Variants in CTRB1 observed in about 807,000 individuals in gnomAD.
The protein encoded by CTRB1 is chymotrypsinogen B1, also known as chymotrypsinogen B.
Under a neutral mutation model 20.4 loss-of-function variants are expected in CTRB1, and 15 were observed. That is an observed-to-expected ratio of 0.74 (90% CI 0.49 to 1.13). The LOEUF is 1.13. Among genes scored for constraint, CTRB1 ranks in the 50% most tolerant of loss-of-function variants. CTRB1 has a pLI of 0.00. For missense variants in CTRB1, 227 were observed against 290.1 expected (o/e 0.78, Z 1.58); for synonymous variants, 92 against 128.4 (o/e 0.72, Z 1.92).
chr16:75,222,518 G>A (rs1033805678), intron 1 of CTRB1: 1 of 556,912 alleles, frequency 1.8e-6, no homozygotes, highest in South Asian at 2.6e-5. Flanking sequence ...GCTTCTTCAG[G>A]CTGGACAGGC....
rs1371776859 is a variant in CTRB1, at chr16:75,219,046, G to C, written c.39G>C (p.Val13=). ...SLWLLSCFSL[V]GAAFGCGVPA... ...GGCTCCTCTCCTGCTTCTCCCTTGT[G>C]GGGGCCGCCTTTGGTGAGTGCTGGT... The change falls in exon 1 of 7, where the codon GTG becomes GTC. Residue 13 remains valine, a synonymous_variant. Transcript: ENST00000361017. 28 of 1,592,468 alleles carry C rather than the reference G, an allele frequency of 1.8e-5. No individual in the cohort carries two copies. Among genetic ancestry groups the C allele is most frequent in the East Asian group, 9.0e-5 (4 of 44,250 alleles).
intron 1 of CTRB1, among the ~76,000 whole-genome samples, chr16:75,219,956 A>G (rs1213648049): frequency 6.6e-6 from 1 of 152,172 alleles, no homozygotes; most frequent in Non-Finnish European, 1.5e-5. Context: ...AAAAGGTTAC[A>G]TCAATGGAAC....
At chr16:75,221,451 C>A (rs2039082788) in intron 1 of CTRB1, among the ~76,000 whole-genome samples, 1 of 152,136 alleles carries the variant, frequency 6.6e-6, no homozygotes, top group Non-Finnish European at 1.5e-5. Context: ...CCTCTGTCCC[C>A]CAGGTTCAAG....
chr16:75,219,656 T>A (rs1188463992), intron 1 of CTRB1, among the ~76,000 whole-genome samples: 1 of 152,160 alleles, frequency 6.6e-6, no homozygotes, highest in Non-Finnish European at 1.5e-5. Flanking sequence ...AGTGCTGGGA[T>A]TACAGGCATG....
In CTRB1 at chr16:75,224,899, G is replaced by T; in HGVS notation, c.*33G>T. On this transcript the variant is annotated 3_prime_UTR_variant, in exon 7 of 7. Coordinates refer to ENST00000361017, the MANE Select transcript of CTRB1 (RefSeq NM_001906.6). ...GCTCCCTCCGACCCTGCTCCCCACA[G>T]AGCCTCAGTAAACCCATGGAACACA... The T allele has an allele frequency of 6.2e-7, 1 of 1,610,932 alleles. No homozygotes were observed. Among genetic ancestry groups the T allele is most frequent in the Non-Finnish European group, 8.5e-7 (1 of 1,179,516 alleles).
chr16:75,219,541 A>T (rs1240961900), intron 1 of CTRB1, among the ~76,000 whole-genome samples: 1 of 151,866 alleles, frequency 6.6e-6, no homozygotes, highest in East Asian at 1.9e-4. Flanking sequence ...ACAGGCATGG[A>T]CCACCAACCC....
chr16:75,219,934 C>T (rs558504460), intron 1 of CTRB1, among the ~76,000 whole-genome samples: 10 of 152,272 alleles, frequency 6.6e-5, no homozygotes, highest in South Asian at 4.1e-4. Flanking sequence ...TACATCTATA[C>T]ATAAGGTTTC....
Position 75,224,148 on chromosome 16 carries a change from T to C in CTRB1, c.590T>C (p.Val197Ala), listed in dbSNP as rs1941683318. The change falls in exon 6 of 7, where the codon GTG (valine) becomes GCG (alanine). Residue 197 changes from valine to alanine, a missense_variant. By Grantham distance (64) the Val-to-Ala change is moderately conservative. Transcript: ENST00000361017. Reference sequence around the variant, plus strand: ...TCCTGGGGCAGGAGGATCACCGACGTGATGATCTGTGCCGGGGCCAGTGGC... The same window carrying C: ...TCCTGGGGCAGGAGGATCACCGACGCGATGATCTGTGCCGGGGCCAGTGGC... ...KKSWGRRITD[V>A]MICAGASGVS... The C allele has an allele frequency of 2.0e-6, 3 of 1,473,984 alleles. No homozygotes were observed. The African/African-American group carries it at 4.3e-5, about 21-fold the overall frequency. 91.3% of individuals were successfully genotyped at this position (1,473,984 alleles called of 1,614,324 possible).
At chr16:75,222,064 G>GAAAAAAAAAAAAAAAAAAA in intron 1 of CTRB1, among the ~76,000 whole-genome samples, 1 of 108,606 alleles carries the variant, frequency 9.2e-6, no homozygotes. Flanking sequence ...GTCTCAAAAA[G>GAAAAAAAAAAAAAAAAAAA]AAAAAAAAAA....
chr16:75,222,245 C>A (rs959635048), intron 1 of CTRB1, among the ~76,000 whole-genome samples: 9 of 152,142 alleles, frequency 5.9e-5, no homozygotes, highest in South Asian at 2.1e-4. Flanking sequence ...GTCCACGGTG[C>A]CATTTCACTC....
chr16:75,222,476 C>G (rs1451608049), intron 1 of CTRB1: 1 of 498,360 alleles, frequency 2.0e-6, no homozygotes, highest in Non-Finnish European at 3.6e-6. Context: ...CGAGGCTGAG[C>G]CCAGGCAGTC....
chr16:75,222,568 G>C (rs972361567), intron 1 of CTRB1, 200 bp from the exon 2 acceptor site: 13 of 610,978 alleles, frequency 2.1e-5, no homozygotes, highest in Non-Finnish European at 3.1e-5. Flanking sequence ...ATCCTGGAAG[G>C]ATGACTGGAG....
intron 1 of CTRB1, 140 bp from the exon 2 acceptor site, chr16:75,222,628 G>GGGAGGC (rs1161795156): frequency 1.2e-6 from 1 of 867,814 alleles, no homozygotes; most frequent in South Asian, 1.8e-5. Context: ...TTGGGGACCA[G>GGGAGGC]GGAGGCGGAG....
rs1400084874 is a variant in CTRB1 at position 75,219,024 on chromosome 16, T to A, written c.17T>A (p.Leu6His). 7 of 1,592,150 alleles carry A rather than the reference T, an allele frequency of 4.4e-6. No individual in the cohort carries two copies. Among genetic ancestry groups the A allele is most frequent in the Non-Finnish European group, 6.0e-6 (7 of 1,170,878 alleles). The change falls in exon 1 of 7, where the codon CTC becomes CAC. Residue 6 changes from leucine (L) to histidine (H), a missense_variant. Around this residue, in one of 4 missense-constraint regions of CTRB1, gnomAD observed 71 missense variants for 69.1 expected, o/e 1.03. Transcript: ENST00000361017. The stretch of plus-strand genomic sequence containing the variant: ...GGCAGCGGCATGGCTTCCCTCTGGC[T>A]CCTCTCCTGCTTCTCCCTTGTGGGG... MASLWLLSCFSLVGAA... is the reference protein window; with the variant it reads MASLWHLSCFSLVGAA...
intron 1 of CTRB1, among the ~76,000 whole-genome samples, chr16:75,220,754 CTTATTTAT>C (rs67227437): frequency 1.4e-4 from 21 of 151,366 alleles, no homozygotes; most frequent in Admixed American, 2.6e-4. Flanking sequence ...ATCTAGTTCT[CTTATTTAT>C]TTATTTATTT....
intron 1 of CTRB1, among the ~76,000 whole-genome samples, chr16:75,219,406 T>TG (rs1027602758): frequency 6.6e-6 from 1 of 151,996 alleles, no homozygotes; most frequent in African/African-American, 2.4e-5. Flanking sequence ...TTTTTTTTTT[T>TG]TCGAGACAGA....
At position 75,224,186 on chromosome 16, in the gene CTRB1, A is replaced by C; in HGVS notation, c.628A>C (p.Met210Leu). Residue 210 changes from methionine (M) to leucine (L), a missense_variant and splice_region_variant, in exon 6 of 7, where the codon ATG (methionine) becomes CTG (leucine). Physicochemically the swap from Met to Leu is conservative, Grantham distance 15. This residue lies in a region of CTRB1 where 108 missense variants were observed against 76.9 expected (regional missense o/e 1.41). Coordinates refer to ENST00000361017, the MANE Select transcript of CTRB1 (RefSeq NM_001906.6). ...CGGGGCCAGTGGCGTCTCCTCCTGC[A>C]TGGTGAGGCTGGCCCTGCCCAGGCC... ...CAGASGVSSCMGDSGGPLVCQ... is the reference protein window; with the variant it reads ...CAGASGVSSCLGDSGGPLVCQ... 1 of 1,467,862 alleles carries C rather than the reference A, an allele frequency of 6.8e-7. No homozygotes were observed. Among genetic ancestry groups the C allele is most frequent in the South Asian group, 1.3e-5 (1 of 74,250 alleles). The allele number at this position is 1,467,862 out of a possible 1,614,324, so 90.9% of individuals were successfully genotyped here. A position where few individuals can be genotyped will look rare whatever the true frequency, so the allele number is the denominator to read the frequency against.
intron 5 of CTRB1, 68 bp downstream of exon 5, chr16:75,223,696 G>GTTTT: frequency 2.7e-6 from 1 of 365,980 alleles, no homozygotes; most frequent in Non-Finnish European, 4.7e-6. Context: ...GTGACCGTTT[G>GTTTT]GCTCTAAATT....
chr16:75,220,205 CAG>C (rs1199016854), intron 1 of CTRB1, among the ~76,000 whole-genome samples: 11 of 151,658 alleles, frequency 7.3e-5, no homozygotes, highest in African/African-American at 2.2e-4. Context: ...TTCTTTGAGA[CAG>C]AGTTTCACTC....
Sources: allele counts gnomAD v4.1 joint callset (sites outside exome capture counted in the v4.1 genomes callset), GRCh38; gene constraint gnomAD v4.1.1; regional missense constraint gnomAD v4.1.1; transcripts MANE v1.5; gene names NCBI Gene and HGNC (gene_info 2026-07-23, HGNC 2026-07-21).